Variants in RPUSD4 observed in about 807,000 individuals in gnomAD.
The protein encoded by RPUSD4 is RNA pseudouridine synthase D4, also known as pseudouridylate synthase RPUSD4, mitochondrial.
RPUSD4 carries 37 observed loss-of-function variants against 35.4 expected under a neutral mutation model. That is an observed-to-expected ratio of 1.04 (90% CI 0.80 to 1.37). The LOEUF (loss-of-function observed/expected upper bound fraction) is 1.37, where lower values mean the gene tolerates loss of function less well. Among genes scored for constraint, RPUSD4 ranks in the 40% most tolerant of loss-of-function variants. The pLI is 0.00. For missense variants in RPUSD4, 507 were observed against 484.9 expected, an observed-to-expected ratio of 1.05 and a Z score of -0.43; for synonymous variants, 210 against 192.7, an observed-to-expected ratio of 1.09 and a Z score of -0.74.
intron 3 of RPUSD4, chr11:126,208,811 A>T (rs1949805220): frequency 6.6e-6 from 1 of 152,296 alleles, no homozygotes; most frequent in Non-Finnish European, 1.5e-5. Flanking sequence ...CTAGACATAT[A>T]TGTAAATGCG....
chr11:126,211,436 C>A lies in RPUSD4; in HGVS notation c.189+14G>T. The A allele has an allele frequency of 6.2e-7, 1 of 1,605,634 alleles. No homozygotes were observed. ...CGCACTGCCTCTAGGGAGTTCTGGT[C>A]CCTTTGGACTCACCGGCTCCTTCTT... is the stretch of plus-strand genomic sequence containing the variant. On this transcript the variant is annotated intron_variant, in intron 1 of 6. Transcript: ENST00000298317.
At chr11:126,209,077 A>G (rs1949810004) in intron 3 of RPUSD4, 1 of 155,586 alleles carries the variant, frequency 6.4e-6, no homozygotes, top group Non-Finnish European at 1.4e-5. Context: ...CTGTAACCTC[A>G]AACTCCTGGG....
rs750340808 is a variant in RPUSD4 at position 126,210,869 on chromosome 11, C to G, written c.355+21G>C. ...CAGAAAGCAGCTGCAGGTTCCTCCA[C>G]CTTTCCCGCGTGGTCCTTACCATGC... On this transcript the variant is annotated intron_variant, in intron 2 of 6. Coordinates refer to ENST00000298317, the MANE Select transcript of RPUSD4 (RefSeq NM_032795.3). 20 of 1,604,010 alleles carry G rather than the reference C, an allele frequency of 1.2e-5. No individual in the cohort carries two copies. In the Admixed American group the frequency reaches 1.5e-4, roughly 12 times the overall value.
intron 2 of RPUSD4, among the ~76,000 whole-genome samples, chr11:126,210,305 T>A (rs1388714012): frequency 6.6e-6 from 1 of 152,240 alleles, no homozygotes; most frequent in African/African-American, 2.4e-5. Context: ...CTTGTCTTTG[T>A]GAACAACTAT....
At chr11:126,206,054 G>T in intron 3 of RPUSD4, 1 of 312,224 alleles carries the variant, frequency 3.2e-6, no homozygotes, top group Non-Finnish European at 5.8e-6. Flanking sequence ...GGTCTTTCCA[G>T]TCTTTAAAAA....
rs775894350 is a variant in RPUSD4 at position 126,203,496 on chromosome 11, G to A, written c.1056C>T (p.Ser352=). 2 of 1,614,168 alleles carry A rather than the reference G, an allele frequency of 1.2e-6. No individual in the cohort carries two copies. Among genetic ancestry groups the A allele is most frequent in the Non-Finnish European group, 1.7e-6 (2 of 1,180,050 alleles). The change falls in exon 7 of 7, where the codon TCC becomes TCT. Residue 352 remains serine, a synonymous_variant. Coordinates refer to ENST00000298317, the MANE Select transcript of RPUSD4 (RefSeq NM_032795.3). ...VCKLPRFFVH[S]LHRLRLEMPN... ...GCATCTCTAAACGCAGGCGGTGCAGGGAATGCACAAAGAAGCGAGGAAGTT... is the reference window on the plus strand; with the variant it reads ...GCATCTCTAAACGCAGGCGGTGCAGAGAATGCACAAAGAAGCGAGGAAGTT...
At chr11:126,210,773 A>C in intron 2 of RPUSD4, 117 bp downstream of exon 2, 1 of 1,011,076 alleles carries the variant, frequency 9.9e-7, no homozygotes, top group South Asian at 1.7e-5. Context: ...TAGTTTACAA[A>C]AGTTTAATTA....
chr11:126,205,805 T>G (rs754846263), intron 3 of RPUSD4, 24 bp from the exon 4 acceptor site: 7 of 1,546,082 alleles, frequency 4.5e-6, no homozygotes, highest in Non-Finnish European at 4.4e-6. Flanking sequence ...AGATCACTGC[T>G]TTAGCCAACC....
intron 1 of RPUSD4, 23 bp from the exon 2 acceptor site, chr11:126,211,078 GGGGAA>G: frequency 6.5e-7 from 1 of 1,535,792 alleles, no homozygotes; most frequent in African/African-American, 2.7e-5. Context: ...AAGGAGCCGT[GGGGAA>G]TGCCTGGTGC....
In RPUSD4 at chr11:126,202,827, C is replaced by A. The variant is rs1250622552; in HGVS notation, c.*591G>T. The A allele has an allele frequency of 6.6e-6, 1 of 152,492 alleles. No homozygotes were observed. The highest frequency in any genetic ancestry group is 1.5e-5 in the Non-Finnish European group (1 of 68,248). The allele number at this position is 152,492 out of a possible 1,614,324, so 9.4% of individuals were successfully genotyped here. ...CTACTGCCTTACACCCAGCCAGCTTCATGTGTGCATGTTATCTGCCTGCCA... is the reference window on the plus strand; with the variant it reads ...CTACTGCCTTACACCCAGCCAGCTTAATGTGTGCATGTTATCTGCCTGCCA... On this transcript the variant is annotated 3_prime_UTR_variant, in exon 7 of 7. Coordinates refer to ENST00000298317, the MANE Select transcript of RPUSD4 (RefSeq NM_032795.3).
intron 5 of RPUSD4, among the ~76,000 whole-genome samples, chr11:126,205,183 G>A (rs765210636): frequency 1.6e-4 from 24 of 152,154 alleles, no homozygotes; most frequent in Non-Finnish European, 2.2e-4. Context: ...GCAAATATTT[G>A]ATTTTTGGGG....
chr11:126,204,766 C>A (rs1408512826), intron 5 of RPUSD4, among the ~76,000 whole-genome samples: 2 of 152,166 alleles, frequency 1.3e-5, no homozygotes, highest in African/African-American at 4.8e-5. Flanking sequence ...TTGCAACCAC[C>A]ACCACCATCC....
chr11:126,209,337 T>A, intron 3 of RPUSD4, 184 bp downstream of exon 3: 1 of 580,964 alleles, frequency 1.7e-6, no homozygotes, highest in Non-Finnish European at 3.0e-6. Flanking sequence ...ATACCAGAAT[T>A]AAGAACCACT....
chr11:126,204,287 C>A lies in RPUSD4; in HGVS notation c.838G>T (p.Asp280Tyr). The change falls in exon 6 of 7, where the codon GAT (aspartate) becomes TAT (tyrosine). Residue 280 changes from aspartate (D) to tyrosine (Y), a missense_variant. Asp to Tyr is a radical substitution (Grantham distance 160). Coordinates refer to ENST00000298317, the MANE Select transcript of RPUSD4 (RefSeq NM_032795.3). ...QLRVHLSFGLDCPILGDHKYS... is the reference protein window; with the variant it reads ...QLRVHLSFGLYCPILGDHKYS... ...TTGTGATCACCAAGGATTGGACAAT[C>A]CAATCCAAAAGACAAGTGAACTCGA... 6.2e-7 allele frequency: 1 copy of A among 1,613,506 alleles called. No individual in the cohort carries two copies. The highest frequency in any genetic ancestry group is 2.2e-5 in the East Asian group (1 of 44,850).
chr11:126,207,582 G>A (rs912361061), intron 3 of RPUSD4, among the ~76,000 whole-genome samples: 2 of 152,216 alleles, frequency 1.3e-5, no homozygotes, highest in Non-Finnish European at 2.9e-5. Flanking sequence ...AGTGGCTCAC[G>A]CCTGTGAGCT....
intron 2 of RPUSD4, 36 bp from the exon 3 acceptor site, chr11:126,209,758 G>A (rs773557081): frequency 6.4e-7 from 1 of 1,572,048 alleles, no homozygotes; most frequent in Admixed American, 1.7e-5. Flanking sequence ...GAGCGGCCAG[G>A]AAAAGATCTC....
chr11:126,205,053 C>G (rs1949756410), intron 5 of RPUSD4, among the ~76,000 whole-genome samples: 1 of 152,184 alleles, frequency 6.6e-6, no homozygotes, highest in Non-Finnish European at 1.5e-5. Context: ...TCTTTTAAAG[C>G]TGAAAATAAC....
At chr11:126,204,525 A>C (rs1183755422) in intron 5 of RPUSD4, among the ~76,000 whole-genome samples, 197 bp from the exon 6 acceptor site, 3 of 152,214 alleles carry the variant, frequency 2.0e-5, no homozygotes, top group African/African-American at 4.8e-5. Flanking sequence ...TAAACGCCGT[A>C]AATACTCTAA....
intron 3 of RPUSD4, among the ~76,000 whole-genome samples, chr11:126,207,280 T>G (rs1332089618): frequency 6.6e-6 from 1 of 152,174 alleles, no homozygotes; most frequent in Non-Finnish European, 1.5e-5. Flanking sequence ...TGAACACACA[T>G]CTTTTTGAGG....
Sources: allele counts gnomAD v4.1 joint callset (sites outside exome capture counted in the v4.1 genomes callset), GRCh38; gene constraint gnomAD v4.1.1; transcripts MANE v1.5; gene names NCBI Gene and HGNC (gene_info 2026-07-23, HGNC 2026-07-21).